The following RICTOR variants were observed in gnomAD, a reference collection of about 807,000 sequenced individuals.
RICTOR encodes rapamycin-insensitive companion of mTOR.
In RICTOR, 49 loss-of-function variants were observed where a neutral mutation model predicts 214.9. The observed-to-expected ratio is 0.23, with a 90% confidence interval of 0.18 to 0.29. The LOEUF is 0.29. Ranked by LOEUF, RICTOR falls within the 10% of genes least tolerant of loss-of-function variation. RICTOR has a pLI of 1.00. For synonymous variants in RICTOR, 717 were observed against 711.3 expected (o/e 1.01, Z -0.13); for missense variants, 1,625 against 2,047.0 (o/e 0.79, Z 3.98).
chr5:39,011,186 C>T (rs1754488143), intron 3 of RICTOR, among the ~76,000 whole-genome samples: 1 of 152,118 alleles, frequency 6.6e-6, no homozygotes, highest in Admixed American at 6.5e-5. Flanking sequence ...TAAAAGGGGC[C>T]AAGACAGAGC....
intron 10 of RICTOR, among the ~76,000 whole-genome samples, chr5:38,973,495 G>C (rs1750956598): frequency 6.6e-6 from 1 of 152,162 alleles, no homozygotes; most frequent in Admixed American, 6.5e-5. Flanking sequence ...TCACTGTATA[G>C]TTTTTTCAAT....
intron 24 of RICTOR, among the ~76,000 whole-genome samples, chr5:38,957,992 C>T (rs927024908): frequency 6.6e-6 from 1 of 152,122 alleles, no homozygotes; most frequent in African/African-American, 2.4e-5. Context: ...AATTCCAGCA[C>T]TGTGGGAGGC....
intron 2 of RICTOR, among the ~76,000 whole-genome samples, chr5:39,040,977 A>C (rs1015659293): frequency 1.3e-5 from 2 of 152,222 alleles, no homozygotes; most frequent in African/African-American, 2.4e-5. Context: ...AATAAAATAA[A>C]AGGAGAGTGA....
chr5:38,949,558 T>C (rs902877698), intron 31 of RICTOR, 154 bp downstream of exon 31: 14 of 1,053,450 alleles, frequency 1.3e-5, no homozygotes, highest in African/African-American at 4.8e-5. Flanking sequence ...TTTCAAGTCA[T>C]ATCGGGTAAC....
At chr5:38,994,648 GGTAT>G (rs1753045093) in intron 6 of RICTOR, among the ~76,000 whole-genome samples, 2 of 151,962 alleles carry the variant, frequency 1.3e-5, no homozygotes, top group South Asian at 4.2e-4. Context: ...ATTCACAAAT[GGTAT>G]GTGAGTCAAC....
chr5:39,020,793 G>A (rs1317734396), intron 3 of RICTOR, among the ~76,000 whole-genome samples: 3 of 152,154 alleles, frequency 2.0e-5, no homozygotes, highest in African/African-American at 7.2e-5. Flanking sequence ...AGGTTGAACT[G>A]TAAATTTCTC....
intron 2 of RICTOR, chr5:39,022,661 T>A (rs1047085588): frequency 2.0e-5 from 3 of 152,510 alleles, no homozygotes; most frequent in Non-Finnish European, 4.4e-5. Context: ...GGTGGACTAT[T>A]TGGAGGGAGA....
intron 2 of RICTOR, among the ~76,000 whole-genome samples, chr5:39,057,833 T>C (rs1004909669): frequency 2.6e-5 from 4 of 152,098 alleles, no homozygotes; most frequent in Admixed American, 6.5e-5. Context: ...AGAGTGTATG[T>C]ATAAAAATTT....
Position 39,074,083 on chromosome 5 carries a change from T to TCGCGGCGCC in RICTOR, c.97+19_97+27dup, listed in dbSNP as rs200197475. 2.3e-4 allele frequency: 350 copies of TCGCGGCGCC among 1,548,370 alleles called. 1 individual carries two copies. The highest frequency in any genetic ancestry group is 2.8e-4 in the Non-Finnish European group (322 of 1,148,564). On this transcript the variant is annotated intron_variant, in intron 2 of 37. Coordinates refer to ENST00000357387, the MANE Select transcript of RICTOR (RefSeq NM_152756.5). ...CCGGCTCCTCCCCAGCAGCGCGCCC[T>TCGCGGCGCC]CGCGGCGCCCGCGGCGCCCCGCGTT...
intron 27 of RICTOR, among the ~76,000 whole-genome samples, chr5:38,954,104 CTT>C (rs10581856): frequency 0.37 from 56,668 of 151,466 alleles, 10,656 homozygotes; most frequent in Admixed American, 0.43. Flanking sequence ...TTATGCAAAA[CTT>C]TGTGCTCTTG....
At chr5:39,014,246 T>C (rs1235658222) in intron 3 of RICTOR, among the ~76,000 whole-genome samples, 1 of 152,162 alleles carries the variant, frequency 6.6e-6, no homozygotes, top group Non-Finnish European at 1.5e-5. Flanking sequence ...TATAACTGTA[T>C]AATAAATGGC....
intron 26 of RICTOR, among the ~76,000 whole-genome samples, chr5:38,955,153 AAC>A: frequency 6.6e-6 from 1 of 152,142 alleles, no homozygotes. Flanking sequence ...AATTACTTAT[AAC>A]ACTGCATAAA....
intron 6 of RICTOR, among the ~76,000 whole-genome samples, chr5:38,995,766 G>A (rs1239505886): frequency 6.6e-6 from 1 of 151,972 alleles, no homozygotes. Context: ...ATGGAAGAAG[G>A]AAGAATTGTA....
chr5:39,003,489 T>C (rs1753801661), intron 4 of RICTOR, 69 bp downstream of exon 4: 1 of 1,023,330 alleles, frequency 9.8e-7, no homozygotes, highest in Non-Finnish European at 1.5e-6. Flanking sequence ...CTATTTCTAG[T>C]TTAAAATTAC....
rs569299070 is a variant in RICTOR at position 39,001,849 on chromosome 5, C to G, written c.392+686G>C. Reference sequence around the variant, plus strand: ...GGATATAACTAAAAACTGAAAATAGCAAGTGTTGATGGGGACACGGGGAGA... The same window carrying G: ...GGATATAACTAAAAACTGAAAATAGGAAGTGTTGATGGGGACACGGGGAGA... On this transcript the variant is annotated intron_variant, in intron 5 of 37. Coordinates refer to ENST00000357387, the MANE Select transcript of RICTOR (RefSeq NM_152756.5). 2.0e-5 allele frequency among the ~76,000 whole-genome samples: 3 copies of G among 152,096 alleles called. No homozygotes were observed. The East Asian group carries it at 5.8e-4, about 29-fold the overall frequency.
intron 11 of RICTOR, chr5:38,969,755 G>C (rs1023636298): frequency 1.4e-5 from 2 of 143,666 alleles, no homozygotes; most frequent in Admixed American, 7.3e-5. Flanking sequence ...TGCAAGCTCC[G>C]CCTCCCGGGT....
intron 2 of RICTOR, among the ~76,000 whole-genome samples, chr5:39,048,239 T>C (rs905717971): frequency 6.6e-6 from 1 of 152,174 alleles, no homozygotes; most frequent in African/African-American, 2.4e-5. Context: ...GTGGTCCAAC[T>C]GTATATTTGT....
intron 2 of RICTOR, among the ~76,000 whole-genome samples, chr5:39,054,738 A>G (rs1245237051): frequency 2.6e-5 from 4 of 152,304 alleles, no homozygotes; most frequent in African/African-American, 9.6e-5. Context: ...CTTCAGAAAA[A>G]CTGGCAGAAT....
intron 5 of RICTOR, among the ~76,000 whole-genome samples, chr5:38,998,254 T>G (rs1249087409): frequency 6.6e-6 from 1 of 152,234 alleles, no homozygotes; most frequent in African/African-American, 2.4e-5. Flanking sequence ...ATTGTGTTTT[T>G]TTGTTTGTTT....
Sources: gnomAD v4.1 joint callset for allele counts (sites outside exome capture counted in the v4.1 genomes callset) on GRCh38, gnomAD v4.1.1 for gene constraint, MANE v1.5 for transcripts, NCBI Gene and HGNC (gene_info 2026-07-23, HGNC 2026-07-21) for gene names.